The following CHODL variants were observed in gnomAD, a reference collection of about 807,000 sequenced individuals.
CHODL encodes the protein chondrolectin, also known as transmembrane protein MT75.
CHODL carries 29 observed loss-of-function variants against 34.5 expected under a neutral mutation model. The ratio of observed to expected loss-of-function variants is 0.84; its 90% CI spans 0.63 to 1.15. CHODL has a LOEUF of 1.15. CHODL is among the 50% of genes most tolerant of loss of function. The pLI, the probability that CHODL is intolerant of heterozygous loss-of-function variation, is 0.00. For missense variants in CHODL, 332 were observed against 332.5 expected (o/e 1.00, Z 0.01); for synonymous variants, 125 against 116.1 (o/e 1.08, Z -0.49).
At position 18,053,505 on chromosome 21, in the gene CHODL, G is replaced by A. The variant is rs78733140; in HGVS notation, c.-45+25534G>A. 7.2e-3 allele frequency among the ~76,000 whole-genome samples: 1,092 copies of A among 151,820 alleles called. 18 individuals are homozygous for A. Among genetic ancestry groups the A allele is most frequent in the African/African-American group, 0.025 (1,039 of 41,466 alleles). ...GCTGAAAAGACTAAAATTTTACAGC[G>A]ACTTCATTGCAAATGACATTAATAT... On this transcript the variant is annotated intron_variant, in intron 2 of 6. Transcript: ENST00000400127.
At chr21:17,925,163 G>C (rs189197889) in intron 1 of CHODL, among the ~76,000 whole-genome samples, 4 of 152,184 alleles carry the variant, frequency 2.6e-5, no homozygotes, top group Admixed American at 1.3e-4. Flanking sequence ...TCCAATCTGC[G>C]TATGAGCAGC....
intron 2 of CHODL, among the ~76,000 whole-genome samples, chr21:18,131,660 C>T (rs986964738): frequency 1.3e-5 from 2 of 152,118 alleles, no homozygotes; most frequent in Admixed American, 1.3e-4. Flanking sequence ...AAAGTCATAG[C>T]ACCACAGTCC....
rs143648016 is a variant in CHODL at position 18,073,032 on chromosome 21, A to G, written c.-45+45061A>G. 1.1e-3 allele frequency among the ~76,000 whole-genome samples: 162 copies of G among 152,266 alleles called. 4 individuals carry two copies. The East Asian group carries it at 0.029, about 27-fold the overall frequency. ...TTATCAATGTGTAACTTCTTCAGTA[A>G]CAATAACATTTAGATAAGGAATATT... On this transcript the variant is annotated intron_variant, in intron 2 of 6. Transcript: ENST00000400127.
intron 2 of CHODL, among the ~76,000 whole-genome samples, chr21:18,110,799 C>G (rs1011061326): frequency 6.6e-6 from 1 of 152,198 alleles, no homozygotes; most frequent in African/African-American, 2.4e-5. Context: ...AACAGACATG[C>G]AGTGTGCTCA....
intron 2 of CHODL, among the ~76,000 whole-genome samples, chr21:18,225,727 TAA>T (rs751091384): frequency 1.3e-5 from 2 of 151,912 alleles, no homozygotes; most frequent in Non-Finnish European, 2.9e-5. Context: ...AAAGAAAACA[TAA>T]GAGAGTAATA....
chr21:18,139,865 G>C (rs1055748208), intron 2 of CHODL, among the ~76,000 whole-genome samples: 2 of 152,122 alleles, frequency 1.3e-5, no homozygotes, highest in Non-Finnish European at 2.9e-5. Flanking sequence ...TAGGGAGAAA[G>C]GTGGGAATGG....
chr21:18,133,082 A>AC (rs2072676348), intron 2 of CHODL, among the ~76,000 whole-genome samples: 1 of 149,868 alleles, frequency 6.7e-6, no homozygotes, highest in Non-Finnish European at 1.5e-5. Flanking sequence ...CTCCATAATA[A>AC]TAAAAAAAAA....
intron 2 of CHODL, among the ~76,000 whole-genome samples, chr21:18,189,024 C>T (rs910847166): frequency 1.3e-5 from 2 of 152,114 alleles, no homozygotes; most frequent in Non-Finnish European, 2.9e-5. Context: ...CCCTTGTGCG[C>T]AATAATGGTT....
intron 1 of CHODL, among the ~76,000 whole-genome samples, chr21:17,962,594 G>A (rs1568818702): frequency 6.6e-6 from 1 of 152,168 alleles, no homozygotes; most frequent in African/African-American, 2.4e-5. Context: ...GGAACAAGGA[G>A]TTATTTTATT....
chr21:18,016,111 C>G (rs1371745980), intron 1 of CHODL, among the ~76,000 whole-genome samples: 2 of 152,214 alleles, frequency 1.3e-5, no homozygotes, highest in African/African-American at 4.8e-5. Flanking sequence ...TTGGCCAAGA[C>G]AATGGGGAAA....
At chr21:18,131,286 G>A (rs1332317732) in intron 2 of CHODL, among the ~76,000 whole-genome samples, 3 of 152,020 alleles carry the variant, frequency 2.0e-5, no homozygotes, top group Non-Finnish European at 2.9e-5. Flanking sequence ...CATACTGGGG[G>A]TTAGGGTCTC....
At chr21:18,170,441 A>G (rs1297984479) in intron 2 of CHODL, among the ~76,000 whole-genome samples, 1 of 152,082 alleles carries the variant, frequency 6.6e-6, no homozygotes, top group Non-Finnish European at 1.5e-5. Flanking sequence ...TACATCTGCC[A>G]CTTTAATTTT....
At chr21:18,097,766 C>T (rs951599554) in intron 2 of CHODL, among the ~76,000 whole-genome samples, 1 of 151,878 alleles carries the variant, frequency 6.6e-6, no homozygotes, top group Non-Finnish European at 1.5e-5. Flanking sequence ...CAAAAGATAC[C>T]TTGAGCAAAA....
chr21:18,118,710 C>A (rs756475351), intron 2 of CHODL, among the ~76,000 whole-genome samples: 9 of 152,180 alleles, frequency 5.9e-5, no homozygotes, highest in African/African-American at 1.7e-4. Context: ...CAAAACAACT[C>A]ATTTTGAATT....
intron 1 of CHODL, among the ~76,000 whole-genome samples, chr21:18,247,286 C>T (rs1250718806): frequency 6.6e-6 from 1 of 151,972 alleles, no homozygotes; most frequent in Non-Finnish European, 1.5e-5. Context: ...GAGTAAGAGC[C>T]TCTTTGGGGC....
intron 1 of CHODL, among the ~76,000 whole-genome samples, chr21:17,981,147 A>G (rs125679): frequency 0.23 from 35,645 of 152,084 alleles, 5,715 homozygotes; most frequent in African/African-American, 0.45. Context: ...AAACATATGA[A>G]TAGAAACAAA....
intron 2 of CHODL, among the ~76,000 whole-genome samples, chr21:18,103,933 C>A (rs1266025064): frequency 2.6e-5 from 4 of 152,190 alleles, no homozygotes; most frequent in Non-Finnish European, 5.9e-5. Flanking sequence ...TATCACAATA[C>A]CTCTGAGCTT....
intron 1 of CHODL, among the ~76,000 whole-genome samples, chr21:17,981,378 G>A (rs2063712718): frequency 6.6e-6 from 1 of 152,136 alleles, no homozygotes; most frequent in South Asian, 2.1e-4. Flanking sequence ...TTGTTCATGG[G>A]CAGCGTTTGT....
chr21:18,246,109 C>G, intron 1 of CHODL: 1 of 673,226 alleles, frequency 1.5e-6, no homozygotes. Flanking sequence ...ATTACTCTCC[C>G]TTACTTTTTG....
Sources: allele counts gnomAD v4.1 joint callset (sites outside exome capture counted in the v4.1 genomes callset), GRCh38; gene constraint gnomAD v4.1.1; transcripts MANE v1.5; gene names NCBI Gene and HGNC (gene_info 2026-07-23, HGNC 2026-07-21).